TRPM7: variants seen among roughly 807,000 people sequenced by gnomAD.
TRPM7 encodes LTRPC ion channel family member 7.
In TRPM7, 134 loss-of-function variants were observed where a neutral mutation model predicts 229.7. That is an observed-to-expected ratio of 0.58 (90% CI 0.51 to 0.67). The LOEUF (loss-of-function observed/expected upper bound fraction) is 0.67, where lower values mean the gene tolerates loss of function less well. Ranked by LOEUF, TRPM7 falls within the 30% of genes least tolerant of loss-of-function variation. The pLI, the probability that TRPM7 is intolerant of heterozygous loss-of-function variation, is 0.00. For synonymous variants in TRPM7, 699 were observed against 715.2 expected, an observed-to-expected ratio of 0.98 and a Z score of 0.36; for missense variants, 1,901 against 2,210.0, an observed-to-expected ratio of 0.86 and a Z score of 2.80.
At chr15:50,668,005 T>C (rs948071236) in intron 1 of TRPM7, among the ~76,000 whole-genome samples, 1 of 152,214 alleles carries the variant, frequency 6.6e-6, no homozygotes, top group African/African-American at 2.4e-5. Flanking sequence ...ATTATTATGT[T>C]AAATTATTGT....
chr15:50,618,274 T>C (rs2060283969), intron 13 of TRPM7, among the ~76,000 whole-genome samples: 1 of 152,166 alleles, frequency 6.6e-6, no homozygotes, highest in East Asian at 1.9e-4. Flanking sequence ...CAATACTAGA[T>C]GTTTTTTACT....
At chr15:50,682,895 C>CA (rs2062273095) in intron 1 of TRPM7, among the ~76,000 whole-genome samples, 1 of 148,334 alleles carries the variant, frequency 6.7e-6, no homozygotes, top group South Asian at 2.2e-4. Context: ...TTCCCGGTAC[C>CA]AAACTTTTTT....
chr15:50,636,281 C>G (rs1780886031), intron 7 of TRPM7, among the ~76,000 whole-genome samples: 1 of 151,738 alleles, frequency 6.6e-6, no homozygotes. Context: ...GCCTCCGCCT[C>G]CTGGGCTCAA....
intron 38 of TRPM7, among the ~76,000 whole-genome samples, chr15:50,566,570 C>A (rs2053607388): frequency 1.3e-5 from 2 of 152,116 alleles, no homozygotes; most frequent in Non-Finnish European, 2.9e-5. Flanking sequence ...GTGGCACGTA[C>A]CTGTAGTGCC....
chr15:50,582,024 G>A (rs1339386675), intron 29 of TRPM7, among the ~76,000 whole-genome samples: 4 of 152,126 alleles, frequency 2.6e-5, no homozygotes, highest in African/African-American at 4.8e-5. Flanking sequence ...GTGCAGTGGC[G>A]CAATCTCGGC....
rs1335830761 is a variant in TRPM7, at chr15:50,668,260, T to C, written c.4-5214A>G. 3.3e-5 allele frequency among the ~76,000 whole-genome samples: 5 copies of C among 152,244 alleles called. No homozygotes were observed. The South Asian group carries it at 1.0e-3, about 32-fold the overall frequency. Reference sequence around the variant, plus strand: ...CATGGAGGGCTGGAATGTTCACGTGTATCAAACAGGAGTTAACTTCATGGA... The same window carrying C: ...CATGGAGGGCTGGAATGTTCACGTGCATCAAACAGGAGTTAACTTCATGGA... On this transcript the variant is annotated intron_variant, in intron 1 of 38. Transcript: ENST00000646667.
intron 38 of TRPM7, among the ~76,000 whole-genome samples, chr15:50,565,833 T>TG (rs1263234093): frequency 2.0e-5 from 3 of 152,016 alleles, no homozygotes; most frequent in Admixed American, 6.6e-5. Flanking sequence ...TTTTTGTTTT[T>TG]TTTTTTTTGA....
At chr15:50,624,121 C>A in intron 12 of TRPM7, 45 bp downstream of exon 12, 2 of 1,550,638 alleles carry the variant, frequency 1.3e-6, no homozygotes, top group Non-Finnish European at 8.7e-7. Context: ...TAACATTTCC[C>A]AAAAGATAAA....
chr15:50,593,404 T>C (rs563330458), intron 25 of TRPM7, among the ~76,000 whole-genome samples: 26 of 152,290 alleles, frequency 1.7e-4, no homozygotes, highest in African/African-American at 6.3e-4. Context: ...TAAACTCTTC[T>C]ATCTTCTGTA....
intron 13 of TRPM7, among the ~76,000 whole-genome samples, chr15:50,614,664 C>CAAAAA (rs59336476): frequency 1.1e-5 from 1 of 92,688 alleles, no homozygotes; most frequent in African/African-American, 4.8e-5. Flanking sequence ...GACTTGGTCT[C>CAAAAA]AAAAAAAAAA....
Position 50,592,033 on chromosome 15 carries a change from A to C in TRPM7, c.4202T>G (p.Phe1401Cys). ...TGGCTGAGATGGTGTACTAACAAAA[A>C]ATTTGGTTGGTGGGGATGACAGATG... ...IPHLSSPPTK[F>C]FVSTPSQPSC... Residue 1401 changes from phenylalanine to cysteine, a missense_variant, in exon 26 of 39, where the codon TTT becomes TGT. Phe to Cys is a radical substitution (Grantham distance 205, BLOSUM62 -2). Around this residue, in one of 8 missense-constraint regions of TRPM7, gnomAD observed 533 missense variants for 497.1 expected, o/e 1.07. Coordinates refer to ENST00000646667, the MANE Select transcript of TRPM7 (RefSeq NM_017672.6). The C allele has an allele frequency of 6.2e-7, 1 of 1,613,440 alleles. No homozygotes were observed. The highest frequency in any genetic ancestry group is 8.5e-7 in the Non-Finnish European group (1 of 1,179,760).
rs893637095 is a variant in TRPM7 at position 50,586,397 on chromosome 15, T to A, written c.4481A>T (p.Lys1494Ile). 1.9e-6 allele frequency: 3 copies of A among 1,600,566 alleles called. No homozygotes were observed. Among genetic ancestry groups the A allele is most frequent in the Non-Finnish European group, 2.6e-6 (3 of 1,167,874 alleles). ...CATATGGTCAAAATACTCACCTTGTTTTGAATGAACAGGAATGGAAGTTCT... is the reference window on the plus strand; with the variant it reads ...CATATGGTCAAAATACTCACCTTGTATTGAATGAACAGGAATGGAAGTTCT... ...CHRTSIPVHS[K>I]QAEKISRRPS... The change falls in exon 28 of 39, where the codon AAA becomes ATA. Residue 1494 changes from lysine to isoleucine, a missense_variant. This residue lies in a region of TRPM7 where 533 missense variants were observed against 497.1 expected (regional missense o/e 1.07). Coordinates refer to ENST00000646667, the MANE Select transcript of TRPM7 (RefSeq NM_017672.6).
chr15:50,590,571 T>C (rs775691928), intron 26 of TRPM7, among the ~76,000 whole-genome samples: 3 of 152,240 alleles, frequency 2.0e-5, no homozygotes, highest in Admixed American at 6.5e-5. Context: ...TAACTTTTCC[T>C]ATATAATATA....
intron 38 of TRPM7, among the ~76,000 whole-genome samples, chr15:50,566,608 A>C (rs1453428732): frequency 1.3e-5 from 2 of 152,162 alleles, no homozygotes; most frequent in African/African-American, 4.8e-5. Flanking sequence ...AAGCAGGAGA[A>C]TCGTTTGAAC....
intron 1 of TRPM7, among the ~76,000 whole-genome samples, chr15:50,686,185 T>C (rs893828789): frequency 5.3e-5 from 8 of 152,208 alleles, no homozygotes; most frequent in Admixed American, 5.2e-4. Context: ...GCGGAGCTTG[T>C]AGGCTGAGCC....
At chr15:50,676,908 C>T (rs1356645469) in intron 1 of TRPM7, among the ~76,000 whole-genome samples, 2 of 152,116 alleles carry the variant, frequency 1.3e-5, no homozygotes, top group African/African-American at 2.4e-5. Context: ...CCATGAAGAT[C>T]GTACACATGG....
At chr15:50,655,593 A>G (rs1392820905) in intron 3 of TRPM7, among the ~76,000 whole-genome samples, 3 of 152,220 alleles carry the variant, frequency 2.0e-5, no homozygotes, top group Non-Finnish European at 2.9e-5. Flanking sequence ...AAAAATATTT[A>G]AAGTAGCTAG....
intron 1 of TRPM7, among the ~76,000 whole-genome samples, chr15:50,676,303 AT>A (rs894485597): frequency 2.7e-4 from 41 of 151,796 alleles, no homozygotes; most frequent in Admixed American, 1.1e-3. Flanking sequence ...TGGAAATCAA[AT>A]TTTTTTTTAA....
chr15:50,642,184 G>C (rs1203589886), intron 5 of TRPM7, among the ~76,000 whole-genome samples: 6 of 152,274 alleles, frequency 3.9e-5, no homozygotes, highest in Admixed American at 6.5e-5. Context: ...TCTTACTGCT[G>C]CTGAGGCAAT....
Sources: allele counts gnomAD v4.1 joint callset (sites outside exome capture counted in the v4.1 genomes callset), GRCh38; gene constraint gnomAD v4.1.1; regional missense constraint gnomAD v4.1.1; transcripts MANE v1.5; gene names NCBI Gene and HGNC (gene_info 2026-07-23, HGNC 2026-07-21).